Variants in IMMT observed in about 807,000 individuals in gnomAD.
IMMT encodes inner membrane mitochondrial protein, also known as MICOS complex subunit MIC60.
In IMMT, 40 loss-of-function variants were observed where a neutral mutation model predicts 92.7. The ratio of observed to expected loss-of-function variants is 0.43; its 90% CI spans 0.34 to 0.56. IMMT has a LOEUF of 0.56. Ranked by LOEUF, IMMT falls within the 20% of genes least tolerant of loss-of-function variation. IMMT has a pLI of 0.03. For synonymous variants in IMMT, 322 were observed against 336.1 expected (o/e 0.96, Z 0.46); for missense variants, 831 against 912.1 (o/e 0.91, Z 1.14).
intron 14 of IMMT, among the ~76,000 whole-genome samples, 176 bp from the exon 15 acceptor site, chr2:86,145,057 CTT>C (rs1674893684): frequency 2.6e-5 from 3 of 113,816 alleles, no homozygotes; most frequent in African/African-American, 6.3e-5. Context: ...TAGCTGGCCT[CTT>C]CATATCAAAG....
chr2:86,156,040 T>C (rs999179587), intron 10 of IMMT, among the ~76,000 whole-genome samples: 1 of 152,214 alleles, frequency 6.6e-6, no homozygotes, highest in Non-Finnish European at 1.5e-5. Flanking sequence ...ACAAGGGACC[T>C]TCATTTTCTA....
At chr2:86,183,280 C>A (rs2105474791) in intron 1 of IMMT, among the ~76,000 whole-genome samples, 1 of 152,144 alleles carries the variant, frequency 6.6e-6, no homozygotes, top group Middle Eastern at 3.4e-3. Context: ...TCAGACTACC[C>A]AAAGTCACAT....
intron 10 of IMMT, among the ~76,000 whole-genome samples, chr2:86,154,659 T>A (rs551621428): frequency 4.2e-4 from 64 of 152,336 alleles, no homozygotes; most frequent in African/African-American, 1.5e-3. Context: ...CAAACTAAAT[T>A]TTCATTTAAC....
rs143139601 is a variant in IMMT, at chr2:86,152,160, G to C, written c.1178-640C>G. Among the ~76,000 whole-genome samples, 268 of 152,084 alleles carry C rather than the reference G, an allele frequency of 1.8e-3. 4 individuals are homozygous for C. The highest frequency in any genetic ancestry group is 6.2e-3 in the African/African-American group (257 of 41,468). On this transcript the variant is annotated intron_variant, in intron 11 of 14. Transcript: ENST00000410111. ...ACACAGATTAAGAATTATGGCTCCA[G>C]CCAGGCACAGTGGCTCACACCTGTA...
At chr2:86,151,239 G>T in intron 12 of IMMT, 58 bp downstream of exon 12, 2 of 1,396,264 alleles carry the variant, frequency 1.4e-6, no homozygotes, top group Non-Finnish European at 2.0e-6. Context: ...ATTTCTACAA[G>T]TAAACAATCA....
At chr2:86,156,761 C>T (rs1027255046) in intron 10 of IMMT, among the ~76,000 whole-genome samples, 4 of 152,102 alleles carry the variant, frequency 2.6e-5, no homozygotes, top group African/African-American at 9.7e-5. Context: ...ATCTAACTCT[C>T]CACAAATAAA....
intron 12 of IMMT, among the ~76,000 whole-genome samples, chr2:86,149,065 C>G (rs1417595533): frequency 6.6e-6 from 1 of 152,202 alleles, no homozygotes; most frequent in Non-Finnish European, 1.5e-5. Flanking sequence ...AGGCAAGGAC[C>G]TGTTGTGAAG....
intron 6 of IMMT, among the ~76,000 whole-genome samples, chr2:86,167,314 G>A (rs1180074190): frequency 1.4e-5 from 2 of 147,892 alleles, no homozygotes; most frequent in Non-Finnish European, 3.0e-5. Context: ...TGGGACTACA[G>A]GTGCATACCA....
rs779561410 is a variant in IMMT at position 86,151,367 on chromosome 2, G to A, written c.1331C>T (p.Ala444Val). The stretch of plus-strand genomic sequence containing the variant: ...TGCTTTTGCTACTGCAGAGTCAAAT[G>A]CCCGCTTTTCTTCCAGCTTTTGTTT... Reference protein sequence around the residue: ...LEKQKLEEKRAFDSAVAKALE... With the variant: ...LEKQKLEEKRVFDSAVAKALE... Residue 444 changes from alanine (A) to valine (V), a missense_variant, in exon 12 of 15, where the codon GCA becomes GTA. Physicochemically the swap from Ala to Val is moderately conservative, Grantham distance 64. Coordinates refer to ENST00000410111, the MANE Select transcript of IMMT (RefSeq NM_006839.3). 15 of 1,613,812 alleles carry A rather than the reference G, an allele frequency of 9.3e-6. No individual in the cohort carries two copies. In the African/African-American group the frequency reaches 2.0e-4, roughly 22 times the overall value.
intron 12 of IMMT, among the ~76,000 whole-genome samples, chr2:86,148,475 G>T (rs1166872437): frequency 6.6e-6 from 1 of 152,130 alleles, no homozygotes; most frequent in Non-Finnish European, 1.5e-5. Context: ...AGCCGGGTGT[G>T]GTGGCGGGTG....
intron 11 of IMMT, among the ~76,000 whole-genome samples, chr2:86,152,564 T>C (rs945997523): frequency 3.1e-4 from 47 of 151,062 alleles, no homozygotes; most frequent in Non-Finnish European, 2.2e-4. Context: ...AGTTTGAGAC[T>C]AGTTTGGCCA....
At chr2:86,149,518 G>C (rs1215162321) in intron 12 of IMMT, among the ~76,000 whole-genome samples, 2 of 152,158 alleles carry the variant, frequency 1.3e-5, no homozygotes, top group African/African-American at 2.4e-5. Context: ...AGAAGGGTAT[G>C]AAGAAAGGGC....
At chr2:86,193,460 G>A (rs1247166314) in intron 1 of IMMT, among the ~76,000 whole-genome samples, 4 of 151,406 alleles carry the variant, frequency 2.6e-5, no homozygotes, top group Admixed American at 1.3e-4. Flanking sequence ...ATCTTGACAA[G>A]TGAGATATTC....
Position 86,195,450 on chromosome 2 carries a change from T to C in IMMT, c.-68A>G, listed in dbSNP as rs948405898. 29 of 1,499,774 alleles carry C rather than the reference T, an allele frequency of 1.9e-5. No homozygotes were observed. The African/African-American group carries it at 3.7e-4, about 19-fold the overall frequency. 92.9% of individuals were successfully genotyped at this position (1,499,774 alleles called of 1,614,324 possible). A position where few individuals can be genotyped will look rare whatever the true frequency, so the allele number is the denominator to read the frequency against. ...CGGCGGCGCGAGTTAAGTGGAGGCGTGCTTGCGTGTGTGCGTGCCCGCGTC... is the reference window on the plus strand; with the variant it reads ...CGGCGGCGCGAGTTAAGTGGAGGCGCGCTTGCGTGTGTGCGTGCCCGCGTC... On this transcript the variant is annotated 5_prime_UTR_variant, in exon 1 of 15. Coordinates refer to ENST00000410111, the MANE Select transcript of IMMT (RefSeq NM_006839.3).
chr2:86,146,024 T>C (rs1484665952), intron 14 of IMMT, 44 bp downstream of exon 14: 12 of 1,423,190 alleles, frequency 8.4e-6, no homozygotes, highest in Non-Finnish European at 1.1e-5. Context: ...TGATAAATTA[T>C]GCTGAGGAAA....
At chr2:86,147,638 G>A in intron 13 of IMMT, 64 bp downstream of exon 13, 1 of 1,501,368 alleles carries the variant, frequency 6.7e-7, no homozygotes, top group Non-Finnish European at 9.0e-7. Flanking sequence ...ACATTAAAAG[G>A]AAAGGAGAGT....
At chr2:86,155,304 T>G (rs2104780355) in intron 10 of IMMT, among the ~76,000 whole-genome samples, 1 of 152,262 alleles carries the variant, frequency 6.6e-6, no homozygotes. Context: ...TCCTCCTTAT[T>G]ATGGTTATAT....
At chr2:86,150,882 G>T (rs1675415738) in intron 12 of IMMT, among the ~76,000 whole-genome samples, 1 of 151,736 alleles carries the variant, frequency 6.6e-6, no homozygotes, top group African/African-American at 2.4e-5. Context: ...CAGCTGGCAT[G>T]ACTTATATTC....
chr2:86,156,281 G>GT (rs1244313742), intron 10 of IMMT, among the ~76,000 whole-genome samples: 1 of 152,116 alleles, frequency 6.6e-6, no homozygotes, highest in Non-Finnish European at 1.5e-5. Flanking sequence ...GAGAACCACT[G>GT]TTTAACATTT....
Sources: gnomAD v4.1 joint callset for allele counts (sites outside exome capture counted in the v4.1 genomes callset) on GRCh38, gnomAD v4.1.1 for gene constraint, MANE v1.5 for transcripts, NCBI Gene and HGNC (gene_info 2026-07-23, HGNC 2026-07-21) for gene names.